MEGF10: variants seen among roughly 807,000 people sequenced by gnomAD.
The protein encoded by MEGF10 is multiple EGF like domains 10.
Under a neutral mutation model 147.5 loss-of-function variants are expected in MEGF10, and 86 were observed. The ratio of observed to expected loss-of-function variants is 0.58; its 90% confidence interval spans 0.49 to 0.70. MEGF10 has a LOEUF of 0.70. Among genes scored for constraint, MEGF10 ranks in the 30% least tolerant of loss-of-function variants. MEGF10 has a pLI of 0.00. For synonymous variants in MEGF10, 478 were observed against 525.5 expected (o/e 0.91, Z 1.24); for missense variants, 1,329 against 1,487.3 (o/e 0.89, Z 1.75).
chr5:127,246,935 T>TACTATATAATA, the MEGF10 span, among the ~76,000 whole-genome samples: 24 of 113,102 alleles, frequency 2.1e-4, no homozygotes, highest in South Asian at 5.4e-4. Flanking sequence ...CAATAATATA[T>TACTATATAATA]GATTATATTA....
At chr5:127,399,545 C>G (rs1764049599) in intron 7 of MEGF10, among the ~76,000 whole-genome samples, 1 of 152,194 alleles carries the variant, frequency 6.6e-6, no homozygotes, top group Non-Finnish European at 1.5e-5. Context: ...AACTATTTAA[C>G]AGAGCAATTG....
At chr5:127,257,506 G>A in the MEGF10 span, among the ~76,000 whole-genome samples, 3 of 152,012 alleles carry the variant, frequency 2.0e-5, no homozygotes, top group Non-Finnish European at 4.4e-5. Flanking sequence ...ATATTTTGTG[G>A]TACTGCTTCT....
At chr5:127,322,495 C>T (rs933783825) in intron 1 of MEGF10, among the ~76,000 whole-genome samples, 11 of 152,164 alleles carry the variant, frequency 7.2e-5, no homozygotes, top group Non-Finnish European at 1.3e-4. Context: ...GTTGTAAGTG[C>T]TTTCTGAATG....
At chr5:127,285,685 A>G in the MEGF10 span, among the ~76,000 whole-genome samples, 6 of 152,136 alleles carry the variant, frequency 3.9e-5, no homozygotes, top group African/African-American at 1.2e-4. Context: ...ACCAAGAAAG[A>G]CCATATTTTT....
chr5:127,283,740 G>A, the MEGF10 span, among the ~76,000 whole-genome samples: 3 of 152,192 alleles, frequency 2.0e-5, no homozygotes, highest in Non-Finnish European at 4.4e-5. Context: ...GCACATTAAA[G>A]TTCGAGAAGC....
At chr5:127,405,675 C>T (rs1764295457) in intron 8 of MEGF10, among the ~76,000 whole-genome samples, 1 of 151,948 alleles carries the variant, frequency 6.6e-6, no homozygotes, top group African/African-American at 2.4e-5. Context: ...AGTAAAAATC[C>T]CTGTCTTGTT....
rs1028844506 is a variant in MEGF10, at chr5:127,460,445, A to G, written c.*3127A>G. On this transcript the variant is annotated 3_prime_UTR_variant, in exon 25 of 25. Transcript: ENST00000503335. ...ATATGTTTAGCATTATCTTTATGGA[A>G]TTTATATTCACCAATTTCAGGAAAA... 13 of 152,120 alleles carry G rather than the reference A, an allele frequency of 8.5e-5. No individual in the cohort carries two copies. Among genetic ancestry groups the G allele is most frequent in the Admixed American group, 8.5e-4 (13 of 15,260 alleles). 9.4% of individuals were successfully genotyped at this position (152,120 alleles called of 1,614,324 possible).
intron 2 of MEGF10, 86 bp from the exon 3 acceptor site, chr5:127,339,034 T>G (rs1761574725): frequency 2.8e-6 from 2 of 725,432 alleles, no homozygotes; most frequent in South Asian, 6.4e-5. Flanking sequence ...ATGGAGATAA[T>G]TTAGCTTACA....
chr5:127,304,988 A>G lies in MEGF10; in HGVS notation c.-19+13932A>G, dbSNP rs201111537. Among the ~76,000 whole-genome samples, 7 of 152,368 alleles carry G rather than the reference A, an allele frequency of 4.6e-5. No individual in the cohort carries two copies. The East Asian group carries it at 1.3e-3, about 29-fold the overall frequency. On this transcript the variant is annotated intron_variant, in intron 1 of 24. Transcript: ENST00000503335. Reference sequence around the variant, plus strand: ...ATGGTATTTTGTTAACAGCCTGAGCAGACGAAAACATTAAAAGAGTATTTG... The same window carrying G: ...ATGGTATTTTGTTAACAGCCTGAGCGGACGAAAACATTAAAAGAGTATTTG...
intron 5 of MEGF10, among the ~76,000 whole-genome samples, chr5:127,381,829 C>T (rs564082362): frequency 2.0e-5 from 3 of 152,160 alleles, no homozygotes; most frequent in Non-Finnish European, 2.9e-5. Flanking sequence ...CACCACCATG[C>T]TCAGCTAATT....
At chr5:127,456,182 A>T (rs183510994) in intron 24 of MEGF10, among the ~76,000 whole-genome samples, 94 of 152,334 alleles carry the variant, frequency 6.2e-4, no homozygotes, top group Admixed American at 3.0e-3. Flanking sequence ...AGTGGATTAA[A>T]CAGGTGATTC....
At chr5:127,275,527 T>C in the MEGF10 span, among the ~76,000 whole-genome samples, 3 of 152,248 alleles carry the variant, frequency 2.0e-5, no homozygotes, top group Admixed American at 6.5e-5. Context: ...CTATGCCTTC[T>C]ACTGCTGCCA....
chr5:127,249,933 T>C, the MEGF10 span, among the ~76,000 whole-genome samples: 1 of 152,006 alleles, frequency 6.6e-6, no homozygotes, highest in Non-Finnish European at 1.5e-5. Flanking sequence ...AAAGGAGGAA[T>C]GCAAATTTAC....
intron 5 of MEGF10, among the ~76,000 whole-genome samples, chr5:127,381,366 C>A (rs191687436): frequency 0.021 from 3,184 of 151,454 alleles, 55 homozygotes; most frequent in Non-Finnish European, 0.03. Flanking sequence ...GTACAGGGAG[C>A]AGAAATATTA....
chr5:127,310,842 A>G (rs1465152953), intron 1 of MEGF10, among the ~76,000 whole-genome samples: 2 of 152,202 alleles, frequency 1.3e-5, no homozygotes, highest in Non-Finnish European at 2.9e-5. Flanking sequence ...TTAGCAATCA[A>G]GACTTGCAAG....
At chr5:127,380,306 A>G (rs1763201025) in intron 5 of MEGF10, among the ~76,000 whole-genome samples, 2 of 152,096 alleles carry the variant, frequency 1.3e-5, no homozygotes, top group Non-Finnish European at 2.9e-5. Context: ...TCTTCTTTTT[A>G]GGGGCTCTTA....
At chr5:127,284,320 A>T in the MEGF10 span, among the ~76,000 whole-genome samples, 1 of 152,136 alleles carries the variant, frequency 6.6e-6, no homozygotes, top group East Asian at 1.9e-4. Flanking sequence ...TCTTGCCTGC[A>T]TTTGTGTTGT....
intron 4 of MEGF10, among the ~76,000 whole-genome samples, chr5:127,366,792 C>T (rs1162196563): frequency 6.6e-6 from 1 of 152,172 alleles, no homozygotes; most frequent in African/African-American, 2.4e-5. Context: ...CGCATGAGAA[C>T]ATTGTGTGAT....
At chr5:127,329,861 G>A (rs1387621728) in intron 1 of MEGF10, among the ~76,000 whole-genome samples, 1 of 152,170 alleles carries the variant, frequency 6.6e-6, no homozygotes, top group Non-Finnish European at 1.5e-5. Context: ...AAATTCCAGA[G>A]GCTGCAGGAG....
Sources: gnomAD v4.1 joint callset for allele counts (sites outside exome capture counted in the v4.1 genomes callset) on GRCh38, gnomAD v4.1.1 for gene constraint, MANE v1.5 for transcripts, NCBI Gene and HGNC (gene_info 2026-07-23, HGNC 2026-07-21) for gene names.